Variants in ACTR3 observed in about 807,000 individuals in gnomAD.
The protein encoded by ACTR3 is actin related protein 3.
In ACTR3, 12 loss-of-function variants were observed where a neutral mutation model predicts 56.8. The observed-to-expected ratio is 0.21, with a 90% CI of 0.14 to 0.34. The LOEUF is 0.34. ACTR3 is among the 10% of genes least tolerant of loss of function. The pLI, the probability that ACTR3 is intolerant of heterozygous loss-of-function variation, is 1.00. For missense variants in ACTR3, 282 were observed against 512.5 expected, an observed-to-expected ratio of 0.55 and a Z score of 4.34; for synonymous variants, 162 against 167.4, an observed-to-expected ratio of 0.97 and a Z score of 0.25.
At chr2:113,946,450 C>G (rs1016932904) in intron 8 of ACTR3, among the ~76,000 whole-genome samples, 1 of 152,020 alleles carries the variant, frequency 6.6e-6, no homozygotes. Context: ...ATTTACATTT[C>G]TCTAATGATC....
intron 1 of ACTR3, among the ~76,000 whole-genome samples, chr2:113,908,935 T>C (rs1679253352): frequency 6.6e-6 from 1 of 152,176 alleles, no homozygotes; most frequent in Non-Finnish European, 1.5e-5. Flanking sequence ...AAGCAACTTA[T>C]GAAGTTAAGT....
intron 1 of ACTR3, among the ~76,000 whole-genome samples, chr2:113,892,926 G>T (rs1181199918): frequency 6.6e-6 from 1 of 152,122 alleles, no homozygotes; most frequent in Middle Eastern, 3.2e-3. Context: ...TTTAGGGATC[G>T]TCCAGCAAAA....
chr2:113,920,468 C>T (rs1259893226), intron 3 of ACTR3, among the ~76,000 whole-genome samples: 1 of 152,216 alleles, frequency 6.6e-6, no homozygotes, highest in East Asian at 1.9e-4. Context: ...GTAGCATATT[C>T]ACCTCAAACA....
chr2:113,931,848 G>T (rs1679728852), intron 5 of ACTR3, among the ~76,000 whole-genome samples: 2 of 149,534 alleles, frequency 1.3e-5, no homozygotes, highest in Non-Finnish European at 3.0e-5. Flanking sequence ...TATCTGTATG[G>T]AACAGCTTCT....
chr2:113,959,851 ATAAT>A lies in ACTR3; in HGVS notation c.*2398_*2401del, dbSNP rs1680294908. The A allele has an allele frequency of 6.6e-6, 1 of 152,086 alleles. No homozygotes were observed. The highest frequency in any genetic ancestry group is 1.5e-5 in the Non-Finnish European group (1 of 67,934). 9.4% of individuals were successfully genotyped at this position (152,086 alleles called of 1,614,324 possible). ...GATTTAATTTTTAATTCTGATTCTGATAATTGATGATATAGCTCCTCGAACTTTG... is the reference window on the plus strand; with the variant it reads ...GATTTAATTTTTAATTCTGATTCTGATGATGATATAGCTCCTCGAACTTTG... On this transcript the variant is annotated 3_prime_UTR_variant, in exon 12 of 12. Coordinates refer to ENST00000263238, the MANE Select transcript of ACTR3 (RefSeq NM_005721.5).
intron 5 of ACTR3, chr2:113,933,819 A>G (rs1270958654): frequency 1.9e-5 from 3 of 158,670 alleles, no homozygotes; most frequent in Non-Finnish European, 4.1e-5. Context: ...AGCTGGGACT[A>G]CAGGCGCCCG....
chr2:113,940,537 T>C (rs911123540), intron 7 of ACTR3, among the ~76,000 whole-genome samples: 1 of 152,176 alleles, frequency 6.6e-6, no homozygotes, highest in Non-Finnish European at 1.5e-5. Context: ...GCTCAAGTGA[T>C]AGGGCACATA....
At chr2:113,906,588 C>T (rs1679195703) in intron 1 of ACTR3, among the ~76,000 whole-genome samples, 1 of 151,654 alleles carries the variant, frequency 6.6e-6, no homozygotes, top group Admixed American at 6.6e-5. Context: ...TCTAAGAGTT[C>T]TATAGTTTTA....
chr2:113,942,639 T>G (rs958326931), intron 8 of ACTR3, among the ~76,000 whole-genome samples: 1 of 152,082 alleles, frequency 6.6e-6, no homozygotes, highest in African/African-American at 2.4e-5. Context: ...TTAAATTTTT[T>G]TTTTCTTCCC....
intron 1 of ACTR3, among the ~76,000 whole-genome samples, chr2:113,909,621 G>GTTT (rs202150469): frequency 3.1e-5 from 4 of 127,742 alleles, no homozygotes; most frequent in African/African-American, 1.1e-4. Flanking sequence ...TGTTGTTGTT[G>GTTT]TTTTTTTTTT....
At chr2:113,932,435 T>A (rs1204610278) in intron 5 of ACTR3, among the ~76,000 whole-genome samples, 2 of 152,230 alleles carry the variant, frequency 1.3e-5, no homozygotes, top group Non-Finnish European at 2.9e-5. Context: ...TTTAACCATA[T>A]TGTCAGGTAA....
intron 8 of ACTR3, 135 bp downstream of exon 8, chr2:113,942,494 A>G: frequency 1.6e-6 from 1 of 611,748 alleles, no homozygotes; most frequent in Non-Finnish European, 2.4e-6. Context: ...TTTATAAAAC[A>G]TTTTATGAAC....
intron 1 of ACTR3, among the ~76,000 whole-genome samples, chr2:113,898,371 G>T (rs1383773814): frequency 6.6e-6 from 1 of 152,068 alleles, no homozygotes; most frequent in Non-Finnish European, 1.5e-5. Context: ...TGAAACAGAG[G>T]CTCAGAGTTG....
chr2:113,929,687 CT>C (rs918837282), intron 4 of ACTR3, among the ~76,000 whole-genome samples: 1 of 150,920 alleles, frequency 6.6e-6, no homozygotes, highest in Admixed American at 6.6e-5. Flanking sequence ...ATCTTTTATA[CT>C]TTTTTTTTGA....
chr2:113,949,394 GAAAAAA>G (rs562713600), intron 8 of ACTR3, among the ~76,000 whole-genome samples: 2 of 108,852 alleles, frequency 1.8e-5, no homozygotes, highest in South Asian at 5.5e-4. Context: ...AAAAAAAAAA[GAAAAAA>G]AAAAAGAAAA....
At chr2:113,940,252 TTG>T (rs1679900150) in intron 7 of ACTR3, 150 bp downstream of exon 7, 4 of 599,050 alleles carry the variant, frequency 6.7e-6, no homozygotes, top group South Asian at 4.1e-5. Context: ...TACATTTTCT[TTG>T]TGTTTCTTAA....
rs925569245 is a variant in ACTR3 at position 113,957,929 on chromosome 2, G to A, written c.*474G>A. ...AAGTAAAGGATAAATTCAAAAAATA[G>A]CCTCATGAGACTTGGCATACACACT... On this transcript the variant is annotated 3_prime_UTR_variant, in exon 12 of 12. Transcript: ENST00000263238. 6.5e-6 allele frequency: 1 copy of A among 153,462 alleles called. No individual in the cohort carries two copies. The highest frequency in any genetic ancestry group is 1.9e-4 in the East Asian group (1 of 5,218). 9.5% of individuals were successfully genotyped at this position (153,462 alleles called of 1,614,324 possible). A position where few individuals can be genotyped will look rare whatever the true frequency, so the allele number is the denominator to read the frequency against.
At chr2:113,935,914 A>G (rs1030488662) in intron 6 of ACTR3, among the ~76,000 whole-genome samples, 3 of 152,178 alleles carry the variant, frequency 2.0e-5, no homozygotes, top group African/African-American at 7.2e-5. Context: ...GAGCAGTACT[A>G]TCAGCATGTT....
intron 1 of ACTR3, among the ~76,000 whole-genome samples, chr2:113,910,222 A>G (rs1172710134): frequency 2.0e-5 from 3 of 151,986 alleles, no homozygotes; most frequent in African/African-American, 7.3e-5. Flanking sequence ...AATCCTGTCT[A>G]TGCACTGAAG....
Sources: gnomAD v4.1 joint callset for allele counts (sites outside exome capture counted in the v4.1 genomes callset) on GRCh38, gnomAD v4.1.1 for gene constraint, MANE v1.5 for transcripts, NCBI Gene and HGNC (gene_info 2026-07-23, HGNC 2026-07-21) for gene names.